The following BCL11B variants were observed in gnomAD, a reference collection of about 807,000 sequenced individuals.
BCL11B encodes the protein BCL11 transcription factor B.
A neutral mutation model predicts 49.9 loss-of-function variants in BCL11B; 8 were observed. The ratio of observed to expected loss-of-function variants is 0.16; its 90% confidence interval spans 0.09 to 0.29. The LOEUF is 0.29. Ranked by LOEUF, BCL11B falls within the 10% of genes least tolerant of loss-of-function variation. The pLI, the probability that BCL11B is intolerant of heterozygous loss-of-function variation, is 1.00. For missense variants in BCL11B, 1,006 were observed against 1,351.0 expected (o/e 0.74, Z 4.00); for synonymous variants, 739 against 637.4 (o/e 1.16, Z -2.40).
chr14:99,210,390 TC>T (rs1472015717), intron 3 of BCL11B, among the ~76,000 whole-genome samples: 2 of 152,076 alleles, frequency 1.3e-5, no homozygotes, highest in African/African-American at 4.8e-5. Flanking sequence ...CTGCCCTACA[TC>T]CCTGGGCTTT....
intron 3 of BCL11B, among the ~76,000 whole-genome samples, chr14:99,198,949 G>A (rs1033091052): frequency 2.0e-5 from 3 of 152,114 alleles, no homozygotes; most frequent in Non-Finnish European, 2.9e-5. Flanking sequence ...ACACCAGAGC[G>A]CCTAGCTCAG....
Position 99,257,508 on chromosome 14 carries a change from G to A in BCL11B, c.390C>T (p.Pro130=). The A allele has an allele frequency of 6.2e-7, 1 of 1,611,172 alleles. No individual in the cohort carries two copies. The highest frequency in any genetic ancestry group is 8.5e-7 in the Non-Finnish European group (1 of 1,177,832). Residue 130 remains proline (P), a synonymous_variant, in exon 2 of 4, where the codon CCC becomes CCT. Transcript: ENST00000357195. This position sits in a 1 kb window ranked among gnomAD's most constrained non-coding sequence, Gnocchi z 6.2. ...TPDEDDHLLS[P]TKGICPKQEN... is the part of the protein sequence containing the mutation. The stretch of plus-strand genomic sequence containing the variant: ...CCTGCTTGGGACAGATGCCTTTCGT[G>A]GGTGAGAGCAGGTGGTCATCTTCGT...
chr14:99,185,900 A>G (rs944963355), intron 3 of BCL11B, among the ~76,000 whole-genome samples: 6 of 152,252 alleles, frequency 3.9e-5, no homozygotes, highest in African/African-American at 1.4e-4. Context: ...AAGAAATGAG[A>G]GCACGGCTTC....
Position 99,176,062 on chromosome 14 carries a change from C to T in BCL11B, c.774G>A (p.Ser258=), listed in dbSNP as rs372146430. ...GCGGGATGGTGAGCCGCGGCGTGAG[C>T]GAGCTGCTGGCCGGCCCGGGCTCCA... is the stretch of plus-strand genomic sequence containing the variant. The part of the protein sequence containing the change: ...IYLEPGPASS[S]LTPRLTIPPP... The change falls in exon 4 of 4, where the codon TCG becomes TCA. Residue 258 remains serine (S), a synonymous_variant. Coordinates refer to ENST00000357195, the MANE Select transcript of BCL11B (RefSeq NM_138576.4). 8.1e-6 allele frequency: 13 copies of T among 1,601,742 alleles called. No homozygotes were observed. The highest frequency in any genetic ancestry group is 8.1e-5 in the African/African-American group (6 of 74,150).
chr14:99,234,771 A>G (rs1888440402), intron 2 of BCL11B, among the ~76,000 whole-genome samples: 1 of 143,086 alleles, frequency 7.0e-6, no homozygotes, highest in Non-Finnish European at 1.5e-5. Context: ...AGAAAGCAAG[A>G]GGATGTTCTC....
intron 3 of BCL11B, among the ~76,000 whole-genome samples, chr14:99,201,950 C>A (rs1174673621): frequency 6.6e-6 from 1 of 152,156 alleles, no homozygotes; most frequent in Non-Finnish European, 1.5e-5. Flanking sequence ...CCACAACAGG[C>A]AGGAAGGAGT....
Position 99,200,882 on chromosome 14 carries a change from C to T in BCL11B, c.641-24687G>A, listed in dbSNP as rs574554631. Among the ~76,000 whole-genome samples the T allele has an allele frequency of 3.3e-5, 5 of 152,344 alleles. No individual in the cohort carries two copies. The South Asian group carries it at 1.0e-3, about 32-fold the overall frequency. On this transcript the variant is annotated intron_variant, in intron 3 of 3. Transcript: ENST00000357195. ...GCAGCCCCTGGTCAATATTTGCTGA[C>T]TCAAACTGCATGGGAAGCAGCCCCC...
intron 3 of BCL11B, among the ~76,000 whole-genome samples, chr14:99,190,910 G>A (rs1488731294): frequency 6.6e-6 from 1 of 151,786 alleles, no homozygotes. Flanking sequence ...GGCCACACGG[G>A]GGGGGTCACC....
chr14:99,257,799 G>T lies in BCL11B; in HGVS notation c.99C>A (p.Asp33Glu). Residue 33 changes from aspartate to glutamate, a missense_variant, in exon 2 of 4, where the codon GAC becomes GAA. Physicochemically the swap from Asp to Glu is conservative, Grantham distance 45. Coordinates refer to ENST00000357195, the MANE Select transcript of BCL11B (RefSeq NM_138576.4). The surrounding 1 kb of genome is among the most constrained non-coding windows in gnomAD (Gnocchi z 6.2). ...TTGGCTCCTCTATCTCCAGACCCTCGTCTTCTTCGAGGATGGCGGCCTCCA... is the reference window on the plus strand; with the variant it reads ...TTGGCTCCTCTATCTCCAGACCCTCTTCTTCTTCGAGGATGGCGGCCTCCA... Reference protein sequence around the residue: ...DHVEAAILEEDEGLEIEEPSG... With the variant: ...DHVEAAILEEEEGLEIEEPSG... 6.4e-7 allele frequency: 1 copy of T among 1,561,124 alleles called. No homozygotes were observed. Among genetic ancestry groups the T allele is most frequent in the Non-Finnish European group, 8.7e-7 (1 of 1,151,494 alleles).
At chr14:99,178,581 TG>T (rs1886607357) in intron 3 of BCL11B, among the ~76,000 whole-genome samples, 1 of 152,222 alleles carries the variant, frequency 6.6e-6, no homozygotes, top group Non-Finnish European at 1.5e-5. Flanking sequence ...TGATTGTACT[TG>T]GGGAACAGCA....
intron 3 of BCL11B, among the ~76,000 whole-genome samples, chr14:99,179,375 G>A (rs913187950): frequency 8.0e-5 from 12 of 150,308 alleles, no homozygotes; most frequent in Middle Eastern, 3.5e-3. Context: ...TCAGGAGGCT[G>A]AGGCAGGAGA....
intron 3 of BCL11B, among the ~76,000 whole-genome samples, chr14:99,202,035 C>T (rs1251360641): frequency 1.3e-5 from 2 of 152,168 alleles, no homozygotes; most frequent in African/African-American, 4.8e-5. Context: ...GGCTGGAGTA[C>T]AGTGGCTCGA....
At chr14:99,240,221 C>T (rs915052765) in intron 2 of BCL11B, among the ~76,000 whole-genome samples, 12 of 152,188 alleles carry the variant, frequency 7.9e-5, no homozygotes, top group African/African-American at 2.6e-4. Flanking sequence ...GAAAAGAAAT[C>T]AAATTGTAAA....
chr14:99,232,021 C>T lies in BCL11B; in HGVS notation c.428-464G>A, dbSNP rs1489744790. Among the ~76,000 whole-genome samples, 2 of 152,152 alleles carry T rather than the reference C, an allele frequency of 1.3e-5. No homozygotes were observed. Among genetic ancestry groups the T allele is most frequent in the African/African-American group, 4.8e-5 (2 of 41,444 alleles). On this transcript the variant is annotated intron_variant, in intron 2 of 3. Transcript: ENST00000357195. This position sits in a 1 kb window ranked among gnomAD's most constrained non-coding sequence, Gnocchi z 5.1. ...GCTGTATCAGGATGGGCTGTTCCTACAGGCCCGGGACACCTTGGGTCCGCC... is the reference window on the plus strand; with the variant it reads ...GCTGTATCAGGATGGGCTGTTCCTATAGGCCCGGGACACCTTGGGTCCGCC...
intron 2 of BCL11B, among the ~76,000 whole-genome samples, chr14:99,234,237 G>C (rs866254512): frequency 1.1e-4 from 16 of 152,232 alleles, no homozygotes; most frequent in African/African-American, 3.9e-4. Context: ...AGACAGGAGT[G>C]ACGGCTGCAC....
At chr14:99,218,410 A>G (rs1466958108) in intron 3 of BCL11B, among the ~76,000 whole-genome samples, 1 of 151,540 alleles carries the variant, frequency 6.6e-6, no homozygotes, top group Non-Finnish European at 1.5e-5. Context: ...TCCCCGCCCT[A>G]TCGTTAATAG....
chr14:99,232,174 A>C lies in BCL11B; in HGVS notation c.428-617T>G, dbSNP rs940483517. 6.6e-6 allele frequency among the ~76,000 whole-genome samples: 1 copy of C among 152,098 alleles called. No individual in the cohort carries two copies. The highest frequency in any genetic ancestry group is 1.5e-5 in the Non-Finnish European group (1 of 68,010). The stretch of plus-strand genomic sequence containing the variant: ...CACCCAAAACGCAATGCCCTTCAGA[A>C]GGCTTTCACACCCCCCTACCACACC... On this transcript the variant is annotated intron_variant, in intron 2 of 3. Transcript: ENST00000357195. This position sits in a 1 kb window ranked among gnomAD's most constrained non-coding sequence, Gnocchi z 5.1.
At chr14:99,270,410 TC>T (rs1889630669) in intron 1 of BCL11B, among the ~76,000 whole-genome samples, 1 of 105,480 alleles carries the variant, frequency 9.5e-6, no homozygotes, top group African/African-American at 3.6e-5. Flanking sequence ...CCAACCCCAA[TC>T]CCCCCACCTT....
chr14:99,175,624 C>G lies in BCL11B; in HGVS notation c.1212G>C (p.Leu404=), dbSNP rs755787361. The G allele has an allele frequency of 3.5e-5, 54 of 1,560,752 alleles. No homozygotes were observed. The highest frequency in any genetic ancestry group is 5.6e-5 in the Admixed American group (3 of 54,024). The part of the protein sequence containing the change: ...PFQPSPKSPF[L]STPPLPPMPP... Reference sequence around the variant, plus strand: ...GCATGGGCGGCAGCGGCGGCGTGCTCAGGAACGGGGACTTGGGGCTGGGCT... The same window carrying G: ...GCATGGGCGGCAGCGGCGGCGTGCTGAGGAACGGGGACTTGGGGCTGGGCT... Residue 404 remains leucine (L), a synonymous_variant, in exon 4 of 4, where the codon CTG becomes CTC. Coordinates refer to ENST00000357195, the MANE Select transcript of BCL11B (RefSeq NM_138576.4).
Sources: gnomAD v4.1 joint callset for allele counts (sites outside exome capture counted in the v4.1 genomes callset) on GRCh38, gnomAD v4.1.1 for gene constraint, Gnocchi (gnomAD v3.1) non-coding constraint, MANE v1.5 for transcripts, NCBI Gene and HGNC (gene_info 2026-07-23, HGNC 2026-07-21) for gene names.